Variants in CHM observed in about 807,000 individuals in gnomAD.
The protein encoded by CHM is CHM Rab escort protein.
Under a neutral mutation model 49.0 loss-of-function variants are expected in CHM, and 10 were observed. The ratio of observed to expected loss-of-function variants is 0.20; its 90% confidence interval spans 0.13 to 0.35. The LOEUF (loss-of-function observed/expected upper bound fraction) is 0.35. CHM is among the 10% of genes least tolerant of loss of function. CHM has a pLI of 1.00. For synonymous variants in CHM, 184 were observed against 167.5 expected, an observed-to-expected ratio of 1.10 and a Z score of -0.76; for missense variants, 455 against 478.4, an observed-to-expected ratio of 0.95 and a Z score of 0.46.
chrX:85,971,992 C>T (rs984278577), intron 4 of CHM, among the ~76,000 whole-genome samples: 1 of 101,495 alleles, frequency 9.9e-6, no homozygotes, highest in Non-Finnish European at 2.0e-5. Context: ...GGTGTATTTA[C>T]AATCCCTGAG....
At chrX:85,954,792 T>C (rs960670366) in intron 8 of CHM, among the ~76,000 whole-genome samples, 1 of 108,099 alleles carries the variant, frequency 9.3e-6, no homozygotes, top group Non-Finnish European at 1.9e-5. Context: ...CTCAGGAGAC[T>C]GAGGCAGGAG....
chrX:85,979,017 A>C, intron 3 of CHM, 126 bp from the exon 4 acceptor site: 1 of 672,611 alleles, frequency 1.5e-6, no homozygotes, highest in Non-Finnish European at 2.2e-6. Context: ...AAAGGATATC[A>C]CCTCAGAGTC....
rs1227553796 is a variant in CHM at position 85,863,361 on chromosome X, G to A, written c.*1269C>T. The A allele has an allele frequency of 8.9e-6, 1 of 111,791 alleles. No individual in the cohort carries two copies. The highest frequency in any genetic ancestry group is 3.3e-5 in the African/African-American group (1 of 30,745). The allele number at this position is 111,791 out of a possible 1,213,427, so 9.2% of individuals were successfully genotyped here. On this transcript the variant is annotated 3_prime_UTR_variant, in exon 15 of 15. Coordinates refer to ENST00000357749, the MANE Select transcript of CHM (RefSeq NM_000390.4). ...ACCCACCTCAGCTTCCCAAAGTGCT[G>A]GGATTACAGGCAGCCCTAACGTTTT...
chrX:85,949,082 C>A (rs775511300), intron 8 of CHM, among the ~76,000 whole-genome samples: 108 of 111,225 alleles, frequency 9.7e-4, no homozygotes, highest in Admixed American at 1.5e-3. Context: ...TTATAAAAAA[C>A]ATTCAATCTG....
chrX:85,980,180 A>C (rs1931515773), intron 3 of CHM, among the ~76,000 whole-genome samples: 1 of 111,045 alleles, frequency 9.0e-6, no homozygotes, highest in African/African-American at 3.3e-5. Context: ...TGTTTTGAGA[A>C]TCTACACTAC....
chrX:85,963,743 C>T lies in CHM; in HGVS notation c.624G>A (p.Glu208=), dbSNP rs775174278. The change falls in exon 5 of 15, where the codon GAG becomes GAA. Residue 208 remains glutamate, a synonymous_variant. Transcript: ENST00000357749. ...ENVPIAEDTT[E]QPKKNRITYS... Reference sequence around the variant, plus strand: ...AAGTAATTCTGTTTTTCTTTGGTTGCTCTGTGGTATCTTCTGCTATAGGCA... The same window carrying T: ...AAGTAATTCTGTTTTTCTTTGGTTGTTCTGTGGTATCTTCTGCTATAGGCA... The T allele has an allele frequency of 7.4e-6, 9 of 1,209,300 alleles. No homozygotes were observed. Among genetic ancestry groups the T allele is most frequent in the Middle Eastern group, 2.3e-4 (1 of 4,350 alleles).
intron 2 of CHM, among the ~76,000 whole-genome samples, chrX:86,006,703 G>A (rs1444468688): frequency 9.0e-6 from 1 of 111,199 alleles, no homozygotes; most frequent in Non-Finnish European, 1.9e-5. Context: ...AACTTACAAG[G>A]GATGTGAAAG....
chrX:85,948,069 C>T (rs1000433866), intron 8 of CHM, among the ~76,000 whole-genome samples: 2 of 110,229 alleles, frequency 1.8e-5, no homozygotes, highest in African/African-American at 6.7e-5. Flanking sequence ...GGGCAGTTCA[C>T]ATCTACACAT....
intron 8 of CHM, among the ~76,000 whole-genome samples, chrX:85,952,619 G>C (rs1488942771): frequency 1.8e-5 from 2 of 112,421 alleles, no homozygotes; most frequent in South Asian, 7.4e-4. Context: ...GCTGGCTTCA[G>C]GTGAGACCCA....
At position 85,956,473 on chromosome X, in the gene CHM, TC is replaced by T. The variant is rs1418647558; in HGVS notation, c.941-96del. The T allele has an allele frequency of 4.6e-6, 5 of 1,085,499 alleles. No homozygotes were observed. In the African/African-American group the frequency reaches 5.6e-5, roughly 12 times the overall value. The allele number at this position is 1,085,499 out of a possible 1,213,427, so 89.5% of individuals were successfully genotyped here. A position where few individuals can be genotyped will look rare whatever the true frequency, so the allele number is the denominator to read the frequency against. The stretch of plus-strand genomic sequence containing the variant: ...GGAGATGAAGTGTGTTTCACAGACC[TC>T]ACAAAGGACATAGGTGGTATTACAT... On this transcript the variant is annotated intron_variant, in intron 7 of 14. Transcript: ENST00000357749.
At chrX:86,005,870 T>G (rs866849628) in intron 2 of CHM, among the ~76,000 whole-genome samples, 2 of 111,857 alleles carry the variant, frequency 1.8e-5, no homozygotes, top group African/African-American at 6.5e-5. Context: ...CTGAAACTAT[T>G]CCAATCAATA....
chrX:86,040,001 T>C (rs774339934), intron 1 of CHM, among the ~76,000 whole-genome samples: 1 of 111,984 alleles, frequency 8.9e-6, no homozygotes, highest in South Asian at 3.7e-4. Flanking sequence ...AATTCATTCA[T>C]GTGACCTCAT....
intron 7 of CHM, 109 bp downstream of exon 7, chrX:85,957,746 T>A: frequency 1.0e-6 from 1 of 972,875 alleles, no homozygotes; most frequent in Non-Finnish European, 1.4e-6. Context: ...AGTGCAGAGT[T>A]AGAATGCATT....
In CHM at chrX:85,861,417, C is replaced by T. The variant is rs1182147993; in HGVS notation, c.*3213G>A. The T allele has an allele frequency of 9.0e-6, 1 of 111,381 alleles. No homozygotes were observed. Among genetic ancestry groups the T allele is most frequent in the Non-Finnish European group, 1.9e-5 (1 of 52,995 alleles). 9.2% of individuals were successfully genotyped at this position (111,381 alleles called of 1,213,427 possible). On this transcript the variant is annotated 3_prime_UTR_variant, in exon 15 of 15. Coordinates refer to ENST00000357749, the MANE Select transcript of CHM (RefSeq NM_000390.4). The stretch of plus-strand genomic sequence containing the variant: ...ACATTTTTTTTGGAACTCTTTAGGA[C>T]TTTAGACAAAGGCTACCAAGGCTGA...
At chrX:85,896,321 A>T (rs1464857993) in intron 11 of CHM, among the ~76,000 whole-genome samples, 1 of 110,902 alleles carries the variant, frequency 9.0e-6, no homozygotes, top group African/African-American at 3.3e-5. Flanking sequence ...AGGTGATGAG[A>T]ACCTAACTGA....
chrX:85,901,145 C>CA lies in CHM; in HGVS notation c.1287dup (p.Glu430Ter), dbSNP rs1354587702. 8.3e-7 allele frequency: 1 copy of CA among 1,201,929 alleles called. No individual in the cohort carries two copies. The highest frequency in any genetic ancestry group is 1.8e-5 in the South Asian group (1 of 55,367). ...TAACTGTCCTCCACGAGGAAATGCTCAGAGATTATTCTCTGACCAAACTGA... is the reference window on the plus strand; with the variant it reads ...TAACTGTCCTCCACGAGGAAATGCTCAAGAGATTATTCTCTGACCAAACTGA... On this transcript the variant is annotated frameshift_variant, in exon 10 of 15. Transcript: ENST00000357749. LOFTEE classifies it high-confidence loss of function.
At chrX:85,989,707 A>G (rs1014155119) in intron 2 of CHM, among the ~76,000 whole-genome samples, 12 of 108,355 alleles carry the variant, frequency 1.1e-4, no homozygotes, top group Non-Finnish European at 2.3e-4. Flanking sequence ...TTTTCAAAAG[A>G]AAACATACAT....
intron 2 of CHM, among the ~76,000 whole-genome samples, chrX:86,016,992 T>TGGATGTCAAA (rs1343829402): frequency 1.8e-5 from 2 of 112,593 alleles, no homozygotes; most frequent in Non-Finnish European, 3.8e-5. Flanking sequence ...TCAAAGGACC[T>TGGATGTCAAA]GGAGTCAAAG....
chrX:85,864,707 T>C lies in CHM; in HGVS notation c.1885A>G (p.Ser629Gly), dbSNP rs1369045599. The C allele has an allele frequency of 8.3e-7, 1 of 1,209,704 alleles. No individual in the cohort carries two copies. Among genetic ancestry groups the C allele is most frequent in the Admixed American group, 2.2e-5 (1 of 45,926 alleles). The change falls in exon 15 of 15, where the codon AGT (serine) becomes GGT (glycine). Residue 629 changes from serine to glycine, a missense_variant. By Grantham distance (56) the Ser-to-Gly change is moderately conservative. Coordinates refer to ENST00000357749, the MANE Select transcript of CHM (RefSeq NM_000390.4). ...DSLQPEASES[S>G]AIPEANSETF... ...TCCGAGTTAGCCTCTGGTATGGCAC[T>C]GGATTCTGAAGCCTCTGGCTGTAAA...
Sources: gnomAD v4.1 joint callset for allele counts (sites outside exome capture counted in the v4.1 genomes callset) on GRCh38, gnomAD v4.1.1 for gene constraint, MANE v1.5 for transcripts, NCBI Gene and HGNC (gene_info 2026-07-23, HGNC 2026-07-21) for gene names.